Variants in BBS4 observed in about 807,000 individuals in gnomAD.
BBS4 encodes the protein Bardet-Biedl syndrome 4.
BBS4 carries 58 observed loss-of-function variants against 71.4 expected under a neutral mutation model. That is an observed-to-expected ratio of 0.81 (90% CI 0.66 to 1.01). The LOEUF is 1.01. Ranked by LOEUF, BBS4 falls within the 50% of genes least tolerant of loss-of-function variation. BBS4 has a pLI of 0.00. For missense variants in BBS4, 660 were observed against 607.9 expected, an observed-to-expected ratio of 1.09 and a Z score of -0.90; for synonymous variants, 228 against 216.8, an observed-to-expected ratio of 1.05 and a Z score of -0.46.
At chr15:72,707,736 C>A (rs1381550704) in intron 2 of BBS4, among the ~76,000 whole-genome samples, 3 of 152,106 alleles carry the variant, frequency 2.0e-5, no homozygotes, top group Non-Finnish European at 4.4e-5. Flanking sequence ...CTCCTTGTTA[C>A]CACAGAAAAG....
At chr15:72,707,414 A>G (rs2065284816) in intron 2 of BBS4, among the ~76,000 whole-genome samples, 1 of 151,886 alleles carries the variant, frequency 6.6e-6, no homozygotes, top group Non-Finnish European at 1.5e-5. Flanking sequence ...CCTGGACTCA[A>G]ATGATCTGCC....
chr15:72,727,692 A>G (rs1348049085), intron 8 of BBS4, among the ~76,000 whole-genome samples: 4 of 152,120 alleles, frequency 2.6e-5, no homozygotes, highest in Non-Finnish European at 5.9e-5. Context: ...GTTCTTTCTT[A>G]GGACTTTTAC....
chr15:72,722,790 C>T lies in BBS4; in HGVS notation c.406-4C>T, dbSNP rs2151032476. ...GTTGTTTTCCTTCTTTTTTATGAGC[C>T]TAGGAGATCAGCCATAACCTAGGAG... On this transcript the variant is annotated splice_polypyrimidine_tract_variant and splice_region_variant and intron_variant, in intron 6 of 15. Coordinates refer to ENST00000268057, the MANE Select transcript of BBS4 (RefSeq NM_033028.5). 6.2e-7 allele frequency: 1 copy of T among 1,613,560 alleles called. No individual in the cohort carries two copies.
chr15:72,724,489 G>A (rs1404818253), intron 7 of BBS4, 39 bp from the exon 8 acceptor site: 2 of 1,612,170 alleles, frequency 1.2e-6, no homozygotes, highest in Admixed American at 3.3e-5. Context: ...TCGTTCAGTG[G>A]TAGTGATTTG....
intron 2 of BBS4, among the ~76,000 whole-genome samples, chr15:72,702,401 C>T (rs1359585042): frequency 2.0e-5 from 3 of 152,026 alleles, no homozygotes; most frequent in African/African-American, 4.8e-5. Context: ...ACTGGCCTTA[C>T]GTGACTATTC....
At chr15:72,699,204 A>C (rs1265694826) in intron 2 of BBS4, among the ~76,000 whole-genome samples, 2 of 151,066 alleles carry the variant, frequency 1.3e-5, no homozygotes, top group African/African-American at 4.9e-5. Flanking sequence ...CTCTTGCCTC[A>C]GCTTCCCGTG....
chr15:72,718,858 A>C (rs2065513503), intron 6 of BBS4, among the ~76,000 whole-genome samples: 1 of 152,138 alleles, frequency 6.6e-6, no homozygotes, highest in Non-Finnish European at 1.5e-5. Flanking sequence ...AGGATTTTGG[A>C]TATGATAAGT....
intron 9 of BBS4, among the ~76,000 whole-genome samples, chr15:72,728,375 G>C (rs2065742636): frequency 6.6e-6 from 1 of 152,078 alleles, no homozygotes; most frequent in African/African-American, 2.4e-5. Context: ...GCATGCTTCT[G>C]TAGTCCCAGC....
At chr15:72,718,818 A>C (rs890820326) in intron 6 of BBS4, among the ~76,000 whole-genome samples, 1 of 152,212 alleles carries the variant, frequency 6.6e-6, no homozygotes, top group Admixed American at 6.5e-5. Flanking sequence ...AGGTGATGGT[A>C]AGAAATCAGA....
intron 1 of BBS4, among the ~76,000 whole-genome samples, chr15:72,690,518 A>G (rs980505598): frequency 1.3e-5 from 2 of 152,216 alleles, no homozygotes; most frequent in African/African-American, 4.8e-5. Context: ...TTAGTAGTAT[A>G]TTCCCCAAAG....
At chr15:72,693,766 A>G (rs1218491049) in intron 1 of BBS4, among the ~76,000 whole-genome samples, 5 of 152,148 alleles carry the variant, frequency 3.3e-5, no homozygotes, top group Non-Finnish European at 7.4e-5. Context: ...CTAAATTAAC[A>G]TTCATTTTAC....
chr15:72,705,163 G>A (rs2151010334), intron 2 of BBS4, among the ~76,000 whole-genome samples: 1 of 152,242 alleles, frequency 6.6e-6, no homozygotes, highest in Admixed American at 6.5e-5. Flanking sequence ...TGTCCTGTGT[G>A]GTAGTAGCCC....
chr15:72,706,121 TG>T (rs1407631232), intron 2 of BBS4, among the ~76,000 whole-genome samples: 1 of 152,016 alleles, frequency 6.6e-6, no homozygotes, highest in Non-Finnish European at 1.5e-5. Context: ...GTAAGCTACT[TG>T]TCCCAGAACT....
At chr15:72,728,114 A>AC in intron 9 of BBS4, 120 bp downstream of exon 9, 2 of 726,768 alleles carry the variant, frequency 2.8e-6, no homozygotes, top group Non-Finnish European at 4.9e-6. Context: ...AAGTTCATGA[A>AC]CTACACTCTC....
At chr15:72,731,161 G>T in intron 10 of BBS4, 144 bp from the exon 11 acceptor site, 1 of 769,570 alleles carries the variant, frequency 1.3e-6, no homozygotes, top group Non-Finnish European at 2.1e-6. Context: ...TGTCCCAATA[G>T]GTTGGATATA....
At position 72,704,454 on chromosome 15, in the gene BBS4, A is replaced by G. The variant is rs552762915; in HGVS notation, c.77-5246A>G. The G allele has an allele frequency of 7.9e-5, 102 of 1,287,952 alleles. 1 individual carries two copies. The African/African-American group carries it at 1.4e-3, about 18-fold the overall frequency. The allele number at this position is 1,287,952 out of a possible 1,614,324, so 79.8% of individuals were successfully genotyped here. A position where few individuals can be genotyped will look rare whatever the true frequency, so the allele number is the denominator to read the frequency against. On this transcript the variant is annotated intron_variant, in intron 2 of 15. Transcript: ENST00000268057. ...GTTGGAGTGAGCAATGATTTGGAAT[A>G]CCAGAAATTCAACTTATATATTTAC...
chr15:72,716,140 G>A (rs556081279), intron 5 of BBS4, among the ~76,000 whole-genome samples: 2 of 152,230 alleles, frequency 1.3e-5, no homozygotes, highest in South Asian at 4.1e-4. Context: ...ATTTACAATG[G>A]GTTTACTGGG....
intron 4 of BBS4, among the ~76,000 whole-genome samples, chr15:72,715,027 TTATC>T (rs1334166811): frequency 6.6e-6 from 1 of 152,190 alleles, no homozygotes; most frequent in African/African-American, 2.4e-5. Flanking sequence ...AAGGAACTGA[TTATC>T]TATGTGATGG....
intron 2 of BBS4, among the ~76,000 whole-genome samples, chr15:72,700,600 G>T (rs1187553410): frequency 2.0e-5 from 3 of 152,010 alleles, no homozygotes; most frequent in Admixed American, 2.0e-4. Context: ...GTCTGCTCAA[G>T]TTTTTTGCCT....
Sources: allele counts gnomAD v4.1 joint callset (sites outside exome capture counted in the v4.1 genomes callset), GRCh38; gene constraint gnomAD v4.1.1; transcripts MANE v1.5; gene names NCBI Gene and HGNC (gene_info 2026-07-23, HGNC 2026-07-21).